Variants in CEP63 observed in about 807,000 individuals in gnomAD.
The protein encoded by CEP63 is centrosomal protein of 63 kDa.
CEP63 carries 84 observed loss-of-function variants against 89.1 expected under a neutral mutation model. The ratio of observed to expected loss-of-function variants is 0.94; its 90% CI spans 0.79 to 1.13. The LOEUF is 1.13. CEP63 is among the 50% of genes most tolerant of loss of function. CEP63 has a pLI of 0.00. For missense variants in CEP63, 838 were observed against 813.3 expected (o/e 1.03, Z -0.37); for synonymous variants, 267 against 272.5 (o/e 0.98, Z 0.20).
At chr3:134,603,509 A>G in the CEP63 span, 1 of 1,408,002 alleles carries the variant, frequency 7.1e-7, no homozygotes, top group Non-Finnish European at 9.6e-7. Context: ...GGCTCCCTGC[A>G]CTTCCTTCGA....
At chr3:134,582,836 A>G (rs986631700) in intron 10 of CEP63, among the ~76,000 whole-genome samples, 2 of 152,204 alleles carry the variant, frequency 1.3e-5, no homozygotes, top group African/African-American at 4.8e-5. Context: ...CCTCTCCAGC[A>G]TCTGTTGTTT....
At chr3:134,555,495 C>T (rs990751256) in intron 12 of CEP63, among the ~76,000 whole-genome samples, 1 of 149,672 alleles carries the variant, frequency 6.7e-6, no homozygotes, top group Non-Finnish European at 1.5e-5. Context: ...AAACAGAGAG[C>T]CAAATCATGA....
intron 12 of CEP63, chr3:134,552,237 CTT>C (rs1955044674): frequency 3.0e-6 from 1 of 337,650 alleles, no homozygotes; most frequent in African/African-American, 2.1e-5. Context: ...GGGTTTCACT[CTT>C]GTTACCCAGG....
At chr3:134,730,626 T>C in the CEP63 span, among the ~76,000 whole-genome samples, 3 of 152,136 alleles carry the variant, frequency 2.0e-5, no homozygotes, top group African/African-American at 4.8e-5. Context: ...AAAACAACTC[T>C]AGATAAATGT....
chr3:134,711,267 T>C, the CEP63 span, among the ~76,000 whole-genome samples: 1 of 152,218 alleles, frequency 6.6e-6, no homozygotes, highest in African/African-American at 2.4e-5. Context: ...GTGGGGATTA[T>C]TGTCTCATTT....
At chr3:134,539,833 C>T (rs1951636688) in intron 6 of CEP63, among the ~76,000 whole-genome samples, 1 of 152,072 alleles carries the variant, frequency 6.6e-6, no homozygotes, top group East Asian at 1.9e-4. Flanking sequence ...ATAATACATG[C>T]TTATTTTAGA....
the CEP63 span, among the ~76,000 whole-genome samples, chr3:134,736,810 A>G: frequency 1.3e-5 from 2 of 152,212 alleles, no homozygotes; most frequent in Non-Finnish European, 2.9e-5. Context: ...TACATGGAAG[A>G]ACATTCATCC....
downstream of CEP63, among the ~76,000 whole-genome samples, chr3:134,568,857 G>C (rs1430207862): frequency 6.6e-6 from 1 of 152,172 alleles, no homozygotes; most frequent in Admixed American, 6.5e-5. Flanking sequence ...TCATGCTGCT[G>C]ATAAAGACAT....
At chr3:134,698,660 G>A in the CEP63 span, among the ~76,000 whole-genome samples, 1 of 152,224 alleles carries the variant, frequency 6.6e-6, no homozygotes, top group Admixed American at 6.5e-5. Flanking sequence ...ACTCCAGGGT[G>A]GAGTGGGGAG....
intron 4 of CEP63, 92 bp from the exon 5 acceptor site, chr3:134,532,686 A>AGC (rs1317030888): frequency 1.0e-6 from 1 of 981,456 alleles, no homozygotes; most frequent in Non-Finnish European, 1.6e-6. Context: ...AGTACTGGTT[A>AGC]GCACTGCTCT....
chr3:134,594,493 G>T, the CEP63 span, among the ~76,000 whole-genome samples: 4 of 152,080 alleles, frequency 2.6e-5, no homozygotes, highest in Non-Finnish European at 4.4e-5. Context: ...GGATTCCCCC[G>T]AGAAGAACGG....
At chr3:134,521,783 T>G (rs1188217348) in intron 3 of CEP63, among the ~76,000 whole-genome samples, 2 of 152,152 alleles carry the variant, frequency 1.3e-5, no homozygotes, top group African/African-American at 4.8e-5. Flanking sequence ...TTAACTAAAT[T>G]GAAGCGCTAA....
In CEP63 at chr3:134,581,264, C is replaced by T. The variant is rs143752992; in HGVS notation, c.1207-6194C>T. Among the ~76,000 whole-genome samples the T allele has an allele frequency of 4.4e-3, 670 of 152,178 alleles. 2 individuals are homozygous for T. The highest frequency in any genetic ancestry group is 8.1e-3 in the Non-Finnish European group (548 of 68,016). On this transcript the variant is annotated intron_variant, in intron 10 of 10. Coordinates refer to the CEP63 transcript ENST00000683931. ...GTTTGTTACAGCAGCAATAAGAAAT[C>T]AATATACCACATTAACGAAATAAAA...
intron 3 of CEP63, among the ~76,000 whole-genome samples, chr3:134,531,605 A>G (rs1029621839): frequency 6.6e-6 from 1 of 152,108 alleles, no homozygotes; most frequent in Non-Finnish European, 1.5e-5. Flanking sequence ...AAAAAGAGAG[A>G]GAGTCTTCAT....
the CEP63 span, among the ~76,000 whole-genome samples, chr3:134,720,515 T>C: frequency 5.3e-5 from 8 of 152,138 alleles, no homozygotes; most frequent in Admixed American, 5.2e-4. Context: ...GCTTTTGGTG[T>C]CATACATAAA....
the CEP63 span, among the ~76,000 whole-genome samples, chr3:134,641,893 G>A: frequency 1.3e-5 from 2 of 152,202 alleles, no homozygotes; most frequent in Non-Finnish European, 2.9e-5. Context: ...AGTGAGGTAA[G>A]TGGTGCTAAT....
intron 2 of CEP63, 123 bp from the exon 3 acceptor site, chr3:134,506,986 A>G: frequency 1.6e-6 from 1 of 614,590 alleles, no homozygotes; most frequent in Non-Finnish European, 2.9e-6. Context: ...TTATTAATTT[A>G]CATTAATGTC....
At chr3:134,707,578 C>G in the CEP63 span, among the ~76,000 whole-genome samples, 3 of 152,112 alleles carry the variant, frequency 2.0e-5, 1 homozygote, top group Non-Finnish European at 4.4e-5. Context: ...TCCTCTTGCT[C>G]TTCCCCCTGC....
chr3:134,685,804 A>C, the CEP63 span, among the ~76,000 whole-genome samples: 1 of 152,324 alleles, frequency 6.6e-6, no homozygotes, highest in Non-Finnish European at 1.5e-5. Context: ...TGTCGTGTAC[A>C]CAAAGGATGA....
Sources: allele counts gnomAD v4.1 joint callset (sites outside exome capture counted in the v4.1 genomes callset), GRCh38; gene constraint gnomAD v4.1.1; transcripts MANE v1.5; gene names NCBI Gene and HGNC (gene_info 2026-07-23, HGNC 2026-07-21).